The following CNTN5 variants were observed in gnomAD, a reference collection of about 807,000 sequenced individuals.
CNTN5 encodes contactin 5.
A neutral mutation model predicts 129.1 loss-of-function variants in CNTN5; 77 were observed. That is an observed-to-expected ratio of 0.60 (90% CI 0.50 to 0.72). The LOEUF is 0.72. CNTN5 is among the 30% of genes least tolerant of loss of function. The pLI is 0.00. For synonymous variants in CNTN5, 509 were observed against 465.6 expected (o/e 1.09, Z -1.20); for missense variants, 1,478 against 1,328.8 (o/e 1.11, Z -1.75).
intron 15 of CNTN5, among the ~76,000 whole-genome samples, chr11:100,217,099 GTAC>G (rs780724726): frequency 1.1e-3 from 173 of 152,234 alleles, no homozygotes; most frequent in Non-Finnish European, 1.4e-3. Context: ...ATGACTTTTT[GTAC>G]TATTACCTAT....
intron 7 of CNTN5, among the ~76,000 whole-genome samples, chr11:99,927,761 C>G (rs533490530): frequency 7.9e-5 from 12 of 152,254 alleles, no homozygotes; most frequent in Admixed American, 3.3e-4. Context: ...TATGGAGACA[C>G]AGCCAAATCA....
At chr11:99,425,578 G>C (rs1943084007) in intron 2 of CNTN5, among the ~76,000 whole-genome samples, 1 of 152,230 alleles carries the variant, frequency 6.6e-6, no homozygotes, top group Non-Finnish European at 1.5e-5. Context: ...TCCCTGGTTT[G>C]CAACAGTGCA....
At chr11:99,725,113 T>C (rs1029796494) in intron 3 of CNTN5, among the ~76,000 whole-genome samples, 3 of 152,180 alleles carry the variant, frequency 2.0e-5, no homozygotes, top group African/African-American at 7.2e-5. Context: ...TAATTATCTG[T>C]GTAATTAGAT....
At chr11:100,324,254 T>G (rs2138969048) in intron 21 of CNTN5, among the ~76,000 whole-genome samples, 1 of 152,226 alleles carries the variant, frequency 6.6e-6, no homozygotes. Flanking sequence ...ACAAAGTCCT[T>G]TCTCAGGAAT....
intron 7 of CNTN5, among the ~76,000 whole-genome samples, chr11:99,932,582 T>C (rs918215660): frequency 1.3e-5 from 2 of 152,194 alleles, no homozygotes; most frequent in Non-Finnish European, 2.9e-5. Flanking sequence ...AAGGATTCAA[T>C]TTTGTCACTT....
chr11:100,270,953 G>T, intron 17 of CNTN5, 139 bp from the exon 18 acceptor site: 2 of 618,850 alleles, frequency 3.2e-6, no homozygotes, highest in Admixed American at 3.4e-5. Context: ...AATGACACTG[G>T]AGGTGACACC....
intron 1 of CNTN5, among the ~76,000 whole-genome samples, chr11:99,294,001 G>C (rs890207125): frequency 2.0e-5 from 3 of 151,118 alleles, no homozygotes; most frequent in Non-Finnish European, 4.4e-5. Flanking sequence ...GATGAGCATT[G>C]TTAGGCTGTT....
intron 13 of CNTN5, among the ~76,000 whole-genome samples, chr11:100,187,527 T>TA (rs1029716122): frequency 6.6e-6 from 1 of 152,074 alleles, no homozygotes; most frequent in African/African-American, 2.4e-5. Context: ...GGCATCATAT[T>TA]ACAGGGCTTC....
intron 8 of CNTN5, among the ~76,000 whole-genome samples, chr11:99,986,533 C>A (rs188072060): frequency 2.9e-4 from 44 of 152,248 alleles, no homozygotes; most frequent in African/African-American, 1.0e-3. Flanking sequence ...TTGTCATCTG[C>A]AATTATTTAC....
intron 1 of CNTN5, among the ~76,000 whole-genome samples, chr11:99,153,993 G>T (rs187676890): frequency 9.9e-5 from 15 of 152,122 alleles, no homozygotes; most frequent in Admixed American, 9.2e-4. Context: ...TTGTTTTCTG[G>T]CCCCTAGAGG....
At chr11:99,539,848 C>T (rs1948037414) in intron 2 of CNTN5, among the ~76,000 whole-genome samples, 1 of 152,110 alleles carries the variant, frequency 6.6e-6, no homozygotes, top group South Asian at 2.1e-4. Context: ...TCATTTTCCT[C>T]ATCTCTAGCC....
intron 2 of CNTN5, among the ~76,000 whole-genome samples, chr11:99,337,798 T>C (rs866628511): frequency 6.6e-6 from 1 of 152,100 alleles, no homozygotes; most frequent in African/African-American, 2.4e-5. Context: ...AAGAAAAAAA[T>C]GTATAAGAAG....
chr11:99,919,006 A>G (rs7117276), intron 7 of CNTN5, among the ~76,000 whole-genome samples: 5 of 151,796 alleles, frequency 3.3e-5, no homozygotes, highest in African/African-American at 1.2e-4. Context: ...GTGCAGTCCA[A>G]CTCCAGCCAG....
chr11:100,169,930 T>G (rs1187616084), intron 13 of CNTN5, among the ~76,000 whole-genome samples: 2 of 151,978 alleles, frequency 1.3e-5, no homozygotes, highest in African/African-American at 4.8e-5. Flanking sequence ...ACCTGTTATT[T>G]ATTCCCTCCA....
At chr11:99,928,113 T>G (rs1950105649) in intron 7 of CNTN5, among the ~76,000 whole-genome samples, 1 of 152,204 alleles carries the variant, frequency 6.6e-6, no homozygotes, top group African/African-American at 2.4e-5. Context: ...TTCCTTTGAC[T>G]ACATGTCCAA....
intron 2 of CNTN5, among the ~76,000 whole-genome samples, chr11:99,456,362 T>A (rs1944496274): frequency 1.3e-5 from 2 of 152,150 alleles, no homozygotes; most frequent in Non-Finnish European, 2.9e-5. Flanking sequence ...ATATTGCTAA[T>A]CCATTACCTT....
At chr11:100,307,413 T>A (rs1951376824) in intron 20 of CNTN5, among the ~76,000 whole-genome samples, 1 of 151,706 alleles carries the variant, frequency 6.6e-6, no homozygotes, top group African/African-American at 2.4e-5. Flanking sequence ...ACAGTATTTA[T>A]GATTCAGCCA....
At chr11:99,225,405 T>A (rs1252464133) in intron 1 of CNTN5, among the ~76,000 whole-genome samples, 2 of 152,146 alleles carry the variant, frequency 1.3e-5, no homozygotes, top group Non-Finnish European at 1.5e-5. Flanking sequence ...TATTGGCCTT[T>A]TTGTGTTTGT....
intron 13 of CNTN5, among the ~76,000 whole-genome samples, chr11:100,135,843 T>G (rs991749397): frequency 6.6e-6 from 1 of 152,154 alleles, no homozygotes; most frequent in African/African-American, 2.4e-5. Context: ...TTGTTTCTAT[T>G]TGGTTTCAAT....
Sources: allele counts gnomAD v4.1 joint callset (sites outside exome capture counted in the v4.1 genomes callset), GRCh38; gene constraint gnomAD v4.1.1; transcripts MANE v1.5; gene names NCBI Gene and HGNC (gene_info 2026-07-23, HGNC 2026-07-21).